The following DYNC1I2 variants were observed in gnomAD, a reference collection of about 807,000 sequenced individuals.
The protein encoded by DYNC1I2 is cytoplasmic dynein 1 intermediate chain 2.
In DYNC1I2, 53 loss-of-function variants were observed where a neutral mutation model predicts 88.6. The ratio of observed to expected loss-of-function variants is 0.60; its 90% confidence interval spans 0.48 to 0.75. DYNC1I2 has a LOEUF of 0.75. DYNC1I2 is among the 30% of genes least tolerant of loss of function. The pLI is 0.00. For synonymous variants in DYNC1I2, 198 were observed against 254.6 expected, an observed-to-expected ratio of 0.78 and a Z score of 2.12; for missense variants, 458 against 766.6, an observed-to-expected ratio of 0.60 and a Z score of 4.75.
chr2:171,737,076 G>A (rs2105749440), intron 15 of DYNC1I2, among the ~76,000 whole-genome samples: 1 of 152,256 alleles, frequency 6.6e-6, no homozygotes, highest in Non-Finnish European at 1.5e-5. Flanking sequence ...TGACAGGCTA[G>A]TTACTTTTGG....
intron 4 of DYNC1I2, 132 bp from the exon 5 acceptor site, chr2:171,707,155 A>G (rs1686741226): frequency 3.9e-6 from 5 of 1,288,504 alleles, no homozygotes; most frequent in Middle Eastern, 3.7e-4. Flanking sequence ...TCATTCATAT[A>G]TTTTTGATTT....
At chr2:171,726,548 G>C (rs1313971712) in intron 10 of DYNC1I2, 6 of 556,190 alleles carry the variant, frequency 1.1e-5, no homozygotes. Flanking sequence ...CAAATCCTTT[G>C]TGTAAAATTT....
At chr2:171,705,030 T>C (rs923331480) in intron 3 of DYNC1I2, among the ~76,000 whole-genome samples, 2 of 152,116 alleles carry the variant, frequency 1.3e-5, no homozygotes, top group African/African-American at 4.8e-5. Flanking sequence ...TGAACCTATA[T>C]TTGGGAGAAA....
Position 171,745,829 on chromosome 2 carries a change from G to T in DYNC1I2, c.1705G>T (p.Gly569Cys), listed in dbSNP as rs1689741062. ...ACCAACTGCCAGCATTTCTGTGGAGGGTAATCCTGCTCTTAATCGTGTGAG... is the reference window on the plus strand; with the variant it reads ...ACCAACTGCCAGCATTTCTGTGGAGTGTAATCCTGCTCTTAATCGTGTGAG... ...EVPTASISVE[G>C]NPALNRVRWT... The change falls in exon 17 of 18, where the codon GGT becomes TGT. Residue 569 changes from glycine to cysteine, a missense_variant. Around this residue, in one of 5 missense-constraint regions of DYNC1I2, gnomAD observed 188 missense variants for 300.4 expected, o/e 0.63. Coordinates refer to ENST00000397119, the MANE Select transcript of DYNC1I2 (RefSeq NM_001378.3). 6.2e-7 allele frequency: 1 copy of T among 1,613,704 alleles called. No homozygotes were observed. The highest frequency in any genetic ancestry group is 1.7e-5 in the Admixed American group (1 of 60,022).
rs538221965 is a variant in DYNC1I2 at position 171,727,479 on chromosome 2, G to C, written c.997-342G>C. On this transcript the variant is annotated intron_variant, in intron 11 of 17. Transcript: ENST00000397119. ...AACACTTAACTTGAATTAAACTAGC[G>C]TGTACTCTACTGTTAGATTACTGTC... 1.7e-3 allele frequency among the ~76,000 whole-genome samples: 255 copies of C among 152,154 alleles called. 1 individual carries two copies. Among genetic ancestry groups the C allele is most frequent in the Non-Finnish European group, 2.9e-3 (194 of 67,966 alleles).
Position 171,712,938 on chromosome 2 carries a change from A to C in DYNC1I2, c.395+112A>C, listed in dbSNP as rs1026488938. The C allele has an allele frequency of 2.0e-5, 18 of 898,566 alleles. No homozygotes were observed. The African/African-American group carries it at 2.5e-4, about 12-fold the overall frequency. 55.7% of individuals were successfully genotyped at this position (898,566 alleles called of 1,614,324 possible). Reference sequence around the variant, plus strand: ...TAATATTGTATCACGTAGTAAGGACAAGAGTTATATTTTACTGTGACACCT... The same window carrying C: ...TAATATTGTATCACGTAGTAAGGACCAGAGTTATATTTTACTGTGACACCT... On this transcript the variant is annotated intron_variant, in intron 6 of 17. Transcript: ENST00000397119.
intron 15 of DYNC1I2, among the ~76,000 whole-genome samples, chr2:171,742,983 T>C (rs1559409607): frequency 6.6e-6 from 1 of 152,210 alleles, no homozygotes; most frequent in Non-Finnish European, 1.5e-5. Context: ...GACCCTTGAA[T>C]AATGCAGGGC....
intron 7 of DYNC1I2, among the ~76,000 whole-genome samples, chr2:171,721,653 A>G (rs1039176422): frequency 1.2e-4 from 19 of 152,168 alleles, no homozygotes; most frequent in African/African-American, 3.6e-4. Flanking sequence ...TCATATTTTT[A>G]TATGCAGCAA....
At chr2:171,731,267 C>T (rs527722159) in intron 15 of DYNC1I2, among the ~76,000 whole-genome samples, 47 of 152,144 alleles carry the variant, frequency 3.1e-4, no homozygotes, top group Non-Finnish European at 5.9e-4. Flanking sequence ...CAAAGAAATG[C>T]GTAATCTAGC....
intron 1 of DYNC1I2, 38 bp from the exon 2 acceptor site, chr2:171,690,109 T>C (rs1367335163): frequency 7.4e-7 from 1 of 1,349,324 alleles, no homozygotes; most frequent in East Asian, 2.5e-5. Context: ...TTTTCAACTG[T>C]GCTGCTTTTA....
intron 1 of DYNC1I2, chr2:171,687,933 G>A (rs1685086445): frequency 6.6e-6 from 1 of 152,296 alleles, no homozygotes; most frequent in Non-Finnish European, 1.5e-5. Flanking sequence ...GCAACTCGAA[G>A]GGCGGCTTGG....
At chr2:171,733,258 G>C (rs1310622964) in intron 15 of DYNC1I2, among the ~76,000 whole-genome samples, 1 of 151,970 alleles carries the variant, frequency 6.6e-6, no homozygotes, top group East Asian at 1.9e-4. Flanking sequence ...TGGCATTTAG[G>C]CTGATTCCAT....
Position 171,690,540 on chromosome 2 carries a change from G to T in DYNC1I2, c.108+277G>T, listed in dbSNP as rs145988773. On this transcript the variant is annotated intron_variant, in intron 2 of 17. Coordinates refer to ENST00000397119, the MANE Select transcript of DYNC1I2 (RefSeq NM_001378.3). Reference sequence around the variant, plus strand: ...AAATATGATTTTTAAAAACAATTTCGTATAGATTGATGCATTTCTAAAATT... The same window carrying T: ...AAATATGATTTTTAAAAACAATTTCTTATAGATTGATGCATTTCTAAAATT... Among the ~76,000 whole-genome samples the T allele has an allele frequency of 4.0e-3, 614 of 151,710 alleles. 7 individuals are homozygous for T. The highest frequency in any genetic ancestry group is 0.031 in the East Asian group (161 of 5,174).
chr2:171,748,708 A>G lies in DYNC1I2; in HGVS notation c.*819A>G, dbSNP rs1324155214. On this transcript the variant is annotated 3_prime_UTR_variant, in exon 18 of 18. Transcript: ENST00000397119. ...TTAAAGGATAAATAGAAAGCTGCCT[A>G]TAATTTTCACTGATTAAGAACTATG... is the stretch of plus-strand genomic sequence containing the variant. Among the ~76,000 whole-genome samples, 3 of 152,224 alleles carry G rather than the reference A, an allele frequency of 2.0e-5. No individual in the cohort carries two copies. Among genetic ancestry groups the G allele is most frequent in the South Asian group, 2.1e-4 (1 of 4,830 alleles).
intron 3 of DYNC1I2, among the ~76,000 whole-genome samples, chr2:171,701,196 T>G (rs936842141): frequency 1.6e-4 from 25 of 152,132 alleles, no homozygotes; most frequent in Admixed American, 3.3e-4. Flanking sequence ...CTATTTTTCT[T>G]TTTTTTGGAG....
chr2:171,707,497 A>C, intron 5 of DYNC1I2, 120 bp downstream of exon 5: 1 of 806,346 alleles, frequency 1.2e-6, no homozygotes, highest in Non-Finnish European at 1.8e-6. Flanking sequence ...TTTAAAATCT[A>C]AAATGGCATA....
intron 13 of DYNC1I2, 133 bp from the exon 14 acceptor site, chr2:171,728,584 T>G (rs1251289658): frequency 1.1e-6 from 1 of 944,424 alleles, no homozygotes; most frequent in Non-Finnish European, 1.5e-6. Context: ...TATTTTACTT[T>G]GAAACCTGCT....
At chr2:171,730,125 C>T (rs1387422833) in intron 15 of DYNC1I2, among the ~76,000 whole-genome samples, 1 of 152,186 alleles carries the variant, frequency 6.6e-6, no homozygotes, top group Non-Finnish European at 1.5e-5. Flanking sequence ...CCCTGAACTG[C>T]ACTGGGAAAA....
intron 5 of DYNC1I2, 133 bp downstream of exon 5, chr2:171,707,510 A>G: frequency 1.4e-6 from 1 of 720,430 alleles, no homozygotes; most frequent in Non-Finnish European, 2.0e-6. Context: ...ATGGCATAGA[A>G]ATTCTCTGTT....
Sources: allele counts gnomAD v4.1 joint callset (sites outside exome capture counted in the v4.1 genomes callset), GRCh38; gene constraint gnomAD v4.1.1; regional missense constraint gnomAD v4.1.1; transcripts MANE v1.5; gene names NCBI Gene and HGNC (gene_info 2026-07-23, HGNC 2026-07-21).